The following PRKDC variants were observed in gnomAD, a reference collection of about 807,000 sequenced individuals.
PRKDC encodes the protein DNA-dependent protein kinase catalytic subunit.
Under a neutral mutation model 486.9 loss-of-function variants are expected in PRKDC, and 82 were observed. The observed-to-expected ratio is 0.17, with a 90% confidence interval of 0.14 to 0.20. PRKDC has a LOEUF of 0.20. Ranked by LOEUF, PRKDC falls within the 10% of genes least tolerant of loss-of-function variation. PRKDC has a pLI of 1.00. For missense variants in PRKDC, 4,504 were observed against 5,038.2 expected (o/e 0.89, Z 3.21); for synonymous variants, 1,895 against 1,837.0 (o/e 1.03, Z -0.81).
chr8:47,930,917 A>G (rs1306485453), intron 16 of PRKDC, 130 bp from the exon 17 acceptor site: 17 of 830,148 alleles, frequency 2.0e-5, no homozygotes, highest in Non-Finnish European at 3.0e-5. Flanking sequence ...GAGAAAGACC[A>G]AGATGGGTGC....
intron 59 of PRKDC, among the ~76,000 whole-genome samples, chr8:47,832,868 C>A (rs2087919985): frequency 6.6e-6 from 1 of 152,218 alleles, no homozygotes; most frequent in African/African-American, 2.4e-5. Context: ...TGTCAGAACA[C>A]TGGTTTAAAA....
intron 25 of PRKDC, 79 bp downstream of exon 25, chr8:47,912,331 C>T (rs2089917904): frequency 1.4e-6 from 2 of 1,389,382 alleles, no homozygotes; most frequent in Admixed American, 5.3e-5. Context: ...CCAGGTAATT[C>T]CACTGCTCTG....
intron 46 of PRKDC, among the ~76,000 whole-genome samples, chr8:47,859,389 G>A (rs1405141011): frequency 6.6e-6 from 1 of 152,174 alleles, no homozygotes; most frequent in Admixed American, 6.5e-5. Context: ...TCTTTGCTAT[G>A]TTGACCTCTG....
At chr8:47,881,857 C>A in intron 37 of PRKDC, 55 bp downstream of exon 37, 8 of 1,421,176 alleles carry the variant, frequency 5.6e-6, no homozygotes, top group Non-Finnish European at 7.5e-6. Flanking sequence ...TTTAAAGACA[C>A]AAGTTACAGA....
At chr8:47,957,050 C>A in intron 3 of PRKDC, 121 bp downstream of exon 3, 5 of 531,178 alleles carry the variant, frequency 9.4e-6, no homozygotes, top group Non-Finnish European at 1.2e-5. Context: ...CAGAAATAAG[C>A]AAATTCCCCA....
intron 40 of PRKDC, among the ~76,000 whole-genome samples, chr8:47,868,337 A>C (rs1046774499): frequency 6.6e-6 from 1 of 152,050 alleles, no homozygotes; most frequent in African/African-American, 2.4e-5. Context: ...AAGAAGGATC[A>C]TCTGAGCTTA....
At position 47,782,641 on chromosome 8, in the gene PRKDC, G is replaced by T. The variant is rs377490227; in HGVS notation, c.11176-43C>A. ...TCATCTCAGGGCACAGGCTAGCCAC[G>T]TGTCAAACTCAGAGGGAAAAGCCAG... On this transcript the variant is annotated intron_variant, in intron 78 of 85. Transcript: ENST00000314191. This position sits in a 1 kb window ranked among gnomAD's most constrained non-coding sequence, Gnocchi z 4.9. 1 of 1,537,332 alleles carries T rather than the reference G, an allele frequency of 6.5e-7. No homozygotes were observed. The highest frequency in any genetic ancestry group is 2.0e-5 in the Admixed American group (1 of 50,898).
intron 68 of PRKDC, among the ~76,000 whole-genome samples, chr8:47,816,319 A>C (rs1215986585): frequency 1.3e-5 from 2 of 152,318 alleles, no homozygotes; most frequent in African/African-American, 4.8e-5. Flanking sequence ...TCCCACCATG[A>C]GGAAACGTAA....
In PRKDC at chr8:47,913,894, G is replaced by T. The variant is rs1230734850; in HGVS notation, c.2781+7C>A. 2 of 1,590,990 alleles carry T rather than the reference G, an allele frequency of 1.3e-6. No homozygotes were observed. Among genetic ancestry groups the T allele is most frequent in the South Asian group, 2.3e-5 (2 of 86,224 alleles). ...TAAATAATGGGTGAAATGAAAAATA[G>T]AAGTACTTTAGTTTGTCTGTCACTG... On this transcript the variant is annotated splice_region_variant and intron_variant, in intron 24 of 85. Transcript: ENST00000314191.
intron 52 of PRKDC, 75 bp from the exon 53 acceptor site, chr8:47,849,578 G>C (rs2088356187): frequency 1.3e-6 from 2 of 1,504,656 alleles, no homozygotes; most frequent in African/African-American, 2.8e-5. Flanking sequence ...AGTTTATCTT[G>C]AGTATTTAAG....
intron 36 of PRKDC, among the ~76,000 whole-genome samples, chr8:47,882,405 TGCACAAGCACACACAGGTGTACAC>T (rs1341664823): frequency 1.3e-5 from 2 of 152,126 alleles, no homozygotes; most frequent in African/African-American, 2.4e-5. Context: ...TGTACATGCA[TGCACAAGCACACACAGGTGTACAC>T]GCACAAGCAC....
intron 35 of PRKDC, among the ~76,000 whole-genome samples, chr8:47,887,002 T>C (rs1212544758): frequency 6.6e-6 from 1 of 152,332 alleles, no homozygotes; most frequent in East Asian, 1.9e-4. Context: ...TTTAAATATG[T>C]AATTGTTTAC....
At chr8:47,853,420 G>A (rs1373092630) in intron 51 of PRKDC, among the ~76,000 whole-genome samples, 1 of 152,186 alleles carries the variant, frequency 6.6e-6, no homozygotes, top group African/African-American at 2.4e-5. Context: ...AGAGTGATTG[G>A]GCAGGGCAGG....
At chr8:47,881,856 A>G in intron 37 of PRKDC, 56 bp downstream of exon 37, 1 of 1,414,324 alleles carries the variant, frequency 7.1e-7, no homozygotes, top group South Asian at 1.6e-5. Context: ...TTTTAAAGAC[A>G]CAAGTTACAG....
At chr8:47,909,123 A>G (rs753691256) in intron 25 of PRKDC, among the ~76,000 whole-genome samples, 2 of 152,192 alleles carry the variant, frequency 1.3e-5, no homozygotes, top group Non-Finnish European at 2.9e-5. Context: ...ATCTTCAGCC[A>G]TAACACTCTT....
rs539678321 is a variant in PRKDC at position 47,807,214 on chromosome 8, C to T, written c.9670G>A (p.Glu3224Lys). The change falls in exon 69 of 86, where the codon GAA becomes AAA. Residue 3224 changes from glutamate to lysine, a missense_variant. By Grantham distance (56) the Glu-to-Lys change is moderately conservative (BLOSUM62 1). Coordinates refer to ENST00000314191, the MANE Select transcript of PRKDC (RefSeq NM_006904.7). ...PSDRMEVQEQ[E>K]EDISSLIRSC... The stretch of plus-strand genomic sequence containing the variant: ...CTGATCAGGGAGCTGATATCTTCTT[C>T]CTGCTCTTGCACTTCCATCCTGTCA... The T allele has an allele frequency of 2.5e-6, 4 of 1,613,810 alleles. No individual in the cohort carries two copies. The highest frequency in any genetic ancestry group is 3.4e-6 in the Non-Finnish European group (4 of 1,179,864).
intron 40 of PRKDC, among the ~76,000 whole-genome samples, chr8:47,876,374 A>C (rs544507614): frequency 6.6e-6 from 1 of 152,248 alleles, no homozygotes; most frequent in East Asian, 1.9e-4. Context: ...AAAAATCAAT[A>C]ATCGGGGCCA....
At chr8:47,930,595 T>C (rs1481295652) in intron 17 of PRKDC, 77 bp downstream of exon 17, 3 of 1,380,138 alleles carry the variant, frequency 2.2e-6, no homozygotes, top group African/African-American at 1.5e-5. Flanking sequence ...CTTACATCTA[T>C]ATAAGGAATT....
intron 4 of PRKDC, among the ~76,000 whole-genome samples, chr8:47,955,414 A>AT (rs1295762116): frequency 2.2e-5 from 3 of 137,992 alleles, no homozygotes; most frequent in Non-Finnish European, 4.6e-5. Flanking sequence ...GTGAGCCGAG[A>AT]TCCCGCCACT....
Sources: allele counts gnomAD v4.1 joint callset (sites outside exome capture counted in the v4.1 genomes callset), GRCh38; gene constraint gnomAD v4.1.1; non-coding constraint Gnocchi (gnomAD v3.1); transcripts MANE v1.5; gene names NCBI Gene and HGNC (gene_info 2026-07-23, HGNC 2026-07-21).